CREB5: variants seen among roughly 807,000 people sequenced by gnomAD.
CREB5 encodes cyclic AMP-responsive element-binding protein 5.
CREB5 carries 19 observed loss-of-function variants against 57.1 expected under a neutral mutation model. That is an observed-to-expected ratio of 0.33 (90% CI 0.23 to 0.49). The LOEUF (loss-of-function observed/expected upper bound fraction) is 0.49. Ranked by LOEUF, CREB5 falls within the 20% of genes least tolerant of loss-of-function variation. The pLI, the probability that CREB5 is intolerant of heterozygous loss-of-function variation, is 0.99. For missense variants in CREB5, 579 were observed against 671.6 expected, an observed-to-expected ratio of 0.86 and a Z score of 1.52; for synonymous variants, 238 against 238.3, an observed-to-expected ratio of 1.00 and a Z score of 0.01.
chr7:28,423,370 C>T (rs1164982874), intron 1 of CREB5, among the ~76,000 whole-genome samples: 1 of 152,096 alleles, frequency 6.6e-6, no homozygotes, highest in African/African-American at 2.4e-5. Context: ...GAACTTGTAC[C>T]AGGTAAGTCA....
rs557329625 is a variant in CREB5 at position 28,819,846 on chromosome 7, C to T, written c.*567C>T. 2.0e-5 allele frequency: 3 copies of T among 152,026 alleles called. No individual in the cohort carries two copies. Among genetic ancestry groups the T allele is most frequent in the African/African-American group, 7.2e-5 (3 of 41,470 alleles). The allele number at this position is 152,026 out of a possible 1,614,324, so 9.4% of individuals were successfully genotyped here. A position where few individuals can be genotyped will look rare whatever the true frequency, so the allele number is the denominator to read the frequency against. ...AATAATACCACCAAGCATCTCTTCA[C>T]CTCTCCTCCTCTTGGTCCACTTGCT... On this transcript the variant is annotated 3_prime_UTR_variant, in exon 11 of 11. Coordinates refer to ENST00000357727, the MANE Select transcript of CREB5 (RefSeq NM_182898.4).
intron 5 of CREB5, among the ~76,000 whole-genome samples, chr7:28,662,806 AC>A (rs1799661859): frequency 6.6e-6 from 1 of 152,074 alleles, no homozygotes; most frequent in Admixed American, 6.6e-5. Flanking sequence ...ACTATTTAGT[AC>A]TCATTGATTG....
chr7:28,650,973 C>T (rs930648527), intron 5 of CREB5, among the ~76,000 whole-genome samples: 4 of 152,034 alleles, frequency 2.6e-5, no homozygotes, highest in South Asian at 2.1e-4. Flanking sequence ...GGTAACAGAA[C>T]GCCTTTTACA....
At chr7:28,538,206 A>G (rs1044134797) in intron 4 of CREB5, among the ~76,000 whole-genome samples, 2 of 152,120 alleles carry the variant, frequency 1.3e-5, no homozygotes, top group Non-Finnish European at 2.9e-5. Flanking sequence ...GACACTCCCC[A>G]CCACGCCCAG....
chr7:28,423,147 T>C (rs1376987383), intron 1 of CREB5, among the ~76,000 whole-genome samples: 2 of 152,140 alleles, frequency 1.3e-5, no homozygotes, highest in Non-Finnish European at 1.5e-5. Flanking sequence ...CACATACACT[T>C]ATGGAACCAA....
At chr7:28,373,674 C>G (rs1308867204) in intron 1 of CREB5, among the ~76,000 whole-genome samples, 1 of 151,888 alleles carries the variant, frequency 6.6e-6, no homozygotes, top group East Asian at 1.9e-4. Flanking sequence ...AATCCACCTG[C>G]CTTGGCCTCC....
intron 5 of CREB5, among the ~76,000 whole-genome samples, chr7:28,648,479 T>C (rs936509853): frequency 2.0e-5 from 3 of 152,160 alleles, no homozygotes; most frequent in Non-Finnish European, 2.9e-5. Context: ...CTCACACCTG[T>C]AATCCCAGCA....
At chr7:28,348,097 T>C (rs758918) in intron 1 of CREB5, among the ~76,000 whole-genome samples, 2 of 151,990 alleles carry the variant, frequency 1.3e-5, no homozygotes, top group African/African-American at 4.8e-5. Context: ...CCGAGATTCC[T>C]TGTGTTATTC....
chr7:28,303,249 C>T (rs1044166885), intron 1 of CREB5, among the ~76,000 whole-genome samples: 5 of 151,938 alleles, frequency 3.3e-5, no homozygotes, highest in Admixed American at 6.6e-5. Context: ...TGGGTAAGTG[C>T]GATTGGTTCT....
chr7:28,459,721 C>T (rs1174608782), intron 1 of CREB5, among the ~76,000 whole-genome samples: 1 of 152,136 alleles, frequency 6.6e-6, no homozygotes, highest in East Asian at 1.9e-4. Context: ...TGCAGAGATT[C>T]CCACTTGGGT....
chr7:28,644,103 G>A (rs1798796659), intron 5 of CREB5, among the ~76,000 whole-genome samples: 1 of 150,104 alleles, frequency 6.7e-6, no homozygotes, highest in African/African-American at 2.5e-5. Context: ...AGGAAGGGAG[G>A]GAGGGGAGAA....
intron 1 of CREB5, among the ~76,000 whole-genome samples, chr7:28,421,845 C>G (rs73684339): frequency 3.1e-5 from 1 of 32,250 alleles, no homozygotes; most frequent in Non-Finnish European, 9.1e-5. Flanking sequence ...CACACACACA[C>G]ACTCTCTCTC....
At chr7:28,652,901 C>G (rs544528905) in intron 5 of CREB5, among the ~76,000 whole-genome samples, 1 of 152,302 alleles carries the variant, frequency 6.6e-6, no homozygotes, top group East Asian at 1.9e-4. Flanking sequence ...CCTTTGCACA[C>G]ATGCCCAAAG....
At chr7:28,576,766 T>TG (rs1393448751) in intron 5 of CREB5, among the ~76,000 whole-genome samples, 1 of 152,216 alleles carries the variant, frequency 6.6e-6, no homozygotes, top group African/African-American at 2.4e-5. Flanking sequence ...TGGCTTTGCC[T>TG]GTGAGCTTTT....
intron 1 of CREB5, among the ~76,000 whole-genome samples, chr7:28,487,435 G>C (rs1339301651): frequency 6.6e-6 from 1 of 152,158 alleles, no homozygotes; most frequent in Admixed American, 6.5e-5. Flanking sequence ...TTGGATCAAG[G>C]GGCAGCAACC....
chr7:28,508,483 T>C (rs1200279655), intron 4 of CREB5, among the ~76,000 whole-genome samples: 2 of 152,236 alleles, frequency 1.3e-5, no homozygotes, highest in Non-Finnish European at 2.9e-5. Context: ...ATTCAAAATG[T>C]GAAAGGTGAT....
chr7:28,495,477 G>A (rs1365635326), intron 3 of CREB5, among the ~76,000 whole-genome samples: 1 of 151,906 alleles, frequency 6.6e-6, no homozygotes, highest in Non-Finnish European at 1.5e-5. Flanking sequence ...GGGAGGGGGA[G>A]GTTGCAGTGA....
At chr7:28,389,247 G>A (rs1787165893) in intron 1 of CREB5, among the ~76,000 whole-genome samples, 1 of 152,192 alleles carries the variant, frequency 6.6e-6, no homozygotes, top group Non-Finnish European at 1.5e-5. Context: ...GAGTAATGCT[G>A]TATAATATTG....
chr7:28,455,985 T>G (rs1381970802), intron 1 of CREB5, among the ~76,000 whole-genome samples: 1 of 152,184 alleles, frequency 6.6e-6, no homozygotes. Flanking sequence ...ACTGACCTGA[T>G]CAACTTTTAA....
Sources: gnomAD v4.1 joint callset for allele counts (sites outside exome capture counted in the v4.1 genomes callset) on GRCh38, gnomAD v4.1.1 for gene constraint, MANE v1.5 for transcripts, NCBI Gene and HGNC (gene_info 2026-07-23, HGNC 2026-07-21) for gene names.